PTPRM: variants seen among roughly 807,000 people sequenced by gnomAD.
PTPRM encodes protein tyrosine phosphatase receptor type M, also known as receptor-type tyrosine-protein phosphatase mu.
A neutral mutation model predicts 186.7 loss-of-function variants in PTPRM; 47 were observed. The observed-to-expected ratio is 0.25, with a 90% CI of 0.20 to 0.32. PTPRM has a LOEUF of 0.32. PTPRM is among the 10% of genes least tolerant of loss of function. PTPRM has a pLI of 1.00. For synonymous variants in PTPRM, 668 were observed against 674.9 expected, an observed-to-expected ratio of 0.99 and a Z score of 0.16; for missense variants, 1,494 against 1,865.0, an observed-to-expected ratio of 0.80 and a Z score of 3.66.
At position 8,155,969 on chromosome 18, in the gene PTPRM, A is replaced by C. The variant is rs186008738; in HGVS notation, c.2300+12190A>C. On this transcript the variant is annotated intron_variant, in intron 14 of 32. Transcript: ENST00000580170. The stretch of plus-strand genomic sequence containing the variant: ...ATATGTGGCTTTAATATGCAGTCCT[A>C]TAAGTATGAACCAGATGCTGAGATC... Among the ~76,000 whole-genome samples, 736 of 152,362 alleles carry C rather than the reference A, an allele frequency of 4.8e-3. 3 individuals are homozygous for C. The highest frequency in any genetic ancestry group is 0.017 in the African/African-American group (696 of 41,584).
intron 23 of PTPRM, among the ~76,000 whole-genome samples, chr18:8,367,632 G>T (rs955902695): frequency 2.0e-5 from 3 of 152,268 alleles, no homozygotes; most frequent in Admixed American, 6.5e-5. Flanking sequence ...CCTGGAACTG[G>T]GTGCGGGGGG....
intron 19 of PTPRM, among the ~76,000 whole-genome samples, chr18:8,272,113 G>C (rs1293503343): frequency 6.6e-6 from 1 of 151,238 alleles, no homozygotes; most frequent in African/African-American, 2.4e-5. Context: ...CTCGGGAGAG[G>C]AGAATCGCTT....
Position 8,069,974 on chromosome 18 carries a change from T to C in PTPRM, c.1421T>C (p.Ile474Thr). Residue 474 changes from isoleucine to threonine, a missense_variant, in exon 8 of 33, where the codon ATA becomes ACA. Physicochemically the swap from Ile to Thr is moderately conservative, Grantham distance 89. Coordinates refer to ENST00000580170, the MANE Select transcript of PTPRM (RefSeq NM_001105244.2). ...PEGRKESQEL[I>T]VQTDEDLPGA... Reference sequence around the variant, plus strand: ...GGCCGGAAGGAAAGCCAAGAACTCATAGTGCAGACAGATGAAGACCGTGAG... The same window carrying C: ...GGCCGGAAGGAAAGCCAAGAACTCACAGTGCAGACAGATGAAGACCGTGAG... The C allele has an allele frequency of 1.2e-6, 2 of 1,613,618 alleles. No individual in the cohort carries two copies. Among genetic ancestry groups the C allele is most frequent in the Middle Eastern group, 1.7e-4 (1 of 6,058 alleles).
intron 19 of PTPRM, among the ~76,000 whole-genome samples, chr18:8,276,246 A>G (rs899720548): frequency 4.6e-5 from 7 of 151,764 alleles, no homozygotes; most frequent in African/African-American, 1.7e-4. Flanking sequence ...TCTATTTACT[A>G]CCTCTCTATC....
At chr18:7,647,911 G>A (rs149550000) in intron 1 of PTPRM, among the ~76,000 whole-genome samples, 1 of 152,188 alleles carries the variant, frequency 6.6e-6, no homozygotes, top group East Asian at 1.9e-4. Context: ...ACCACCCTTG[G>A]AGAACTGTTG....
chr18:8,308,808 A>G (rs2095245944), intron 20 of PTPRM, among the ~76,000 whole-genome samples: 1 of 152,246 alleles, frequency 6.6e-6, no homozygotes, highest in African/African-American at 2.4e-5. Flanking sequence ...GTTTAAGTTC[A>G]TTAAAATTAA....
intron 32 of PTPRM, among the ~76,000 whole-genome samples, chr18:8,401,786 A>G (rs2095873540): frequency 6.6e-6 from 1 of 152,226 alleles, no homozygotes; most frequent in Non-Finnish European, 1.5e-5. Flanking sequence ...AGTGGCTTTT[A>G]ACAGCCAACC....
intron 1 of PTPRM, among the ~76,000 whole-genome samples, chr18:7,660,422 C>G (rs1054404716): frequency 1.3e-5 from 2 of 152,068 alleles, no homozygotes; most frequent in South Asian, 4.1e-4. Flanking sequence ...TATGGTGGCC[C>G]AGGCTGAGAA....
intron 19 of PTPRM, among the ~76,000 whole-genome samples, chr18:8,291,878 G>T (rs1014454497): frequency 1.1e-4 from 17 of 151,918 alleles, no homozygotes; most frequent in Non-Finnish European, 1.8e-4. Context: ...AGGAAGGAGG[G>T]TGGACTCACA....
At chr18:7,858,384 C>T (rs1364832642) in intron 2 of PTPRM, among the ~76,000 whole-genome samples, 2 of 152,002 alleles carry the variant, frequency 1.3e-5, no homozygotes, top group Non-Finnish European at 2.9e-5. Flanking sequence ...TGGCAAGACT[C>T]CGTCTCTTAT....
At chr18:8,328,093 C>T (rs2095389289) in intron 22 of PTPRM, among the ~76,000 whole-genome samples, 2 of 152,146 alleles carry the variant, frequency 1.3e-5, no homozygotes, top group African/African-American at 4.8e-5. Flanking sequence ...TGTTTTTCTT[C>T]TATCTTTATT....
intron 1 of PTPRM, among the ~76,000 whole-genome samples, chr18:7,704,849 T>G (rs1373587847): frequency 2.0e-5 from 3 of 152,274 alleles, no homozygotes; most frequent in African/African-American, 7.2e-5. Flanking sequence ...GACAATCTTG[T>G]TGACAAGAAT....
chr18:8,297,658 C>A (rs1322097786), intron 20 of PTPRM, among the ~76,000 whole-genome samples: 4 of 152,056 alleles, frequency 2.6e-5, no homozygotes, highest in Non-Finnish European at 5.9e-5. Flanking sequence ...TTTAAACAGC[C>A]CATGAGGCTA....
At chr18:8,351,251 T>C (rs1032286442) in intron 23 of PTPRM, among the ~76,000 whole-genome samples, 2 of 152,192 alleles carry the variant, frequency 1.3e-5, no homozygotes, top group African/African-American at 4.8e-5. Context: ...CCATATTCTG[T>C]CCTTTAGTAT....
chr18:8,257,524 C>CA (rs1463912884), intron 19 of PTPRM, among the ~76,000 whole-genome samples: 1 of 152,052 alleles, frequency 6.6e-6, no homozygotes, highest in Non-Finnish European at 1.5e-5. Flanking sequence ...GGTAATACCC[C>CA]AAAAAAGTAA....
chr18:7,949,266 C>A lies in PTPRM; in HGVS notation c.749C>A (p.Thr250Asn). ...RFIASFNVVN[T>N]TKRDAGKYRC... ...ATTGCTTCATTTAATGTTGTGAATA[C>A]CACCAAACGAGATGCTGGAAAGTAC... Residue 250 changes from threonine to asparagine, a missense_variant, in exon 6 of 33, where the codon ACC (threonine) becomes AAC (asparagine). Transcript: ENST00000580170. 6 of 1,613,626 alleles carry A rather than the reference C, an allele frequency of 3.7e-6. No homozygotes were observed. Among genetic ancestry groups the A allele is most frequent in the Non-Finnish European group, 5.1e-6 (6 of 1,179,574 alleles).
At chr18:8,189,745 A>G (rs1448296390) in intron 14 of PTPRM, among the ~76,000 whole-genome samples, 1 of 152,198 alleles carries the variant, frequency 6.6e-6, no homozygotes, top group African/African-American at 2.4e-5. Context: ...TCCATCTGGA[A>G]TACCTGAGTG....
chr18:8,146,878 TATTTCCAACACC>T (rs1272595408), intron 14 of PTPRM, among the ~76,000 whole-genome samples: 4 of 151,592 alleles, frequency 2.6e-5, no homozygotes, highest in African/African-American at 9.7e-5. Flanking sequence ...TATGGCTAGC[TATTTCCAACACC>T]ATTTATTAAA....
chr18:7,613,905 T>A (rs2037739785), intron 1 of PTPRM, among the ~76,000 whole-genome samples: 1 of 152,184 alleles, frequency 6.6e-6, no homozygotes, highest in South Asian at 2.1e-4. Context: ...CTCTGTTGAA[T>A]GGAAATCTGA....
Sources: allele counts gnomAD v4.1 joint callset (sites outside exome capture counted in the v4.1 genomes callset), GRCh38; gene constraint gnomAD v4.1.1; transcripts MANE v1.5; gene names NCBI Gene and HGNC (gene_info 2026-07-23, HGNC 2026-07-21).